The following CNIH3 variants were observed in gnomAD, a reference collection of about 807,000 sequenced individuals.
CNIH3 encodes the protein protein cornichon homolog 3.
In CNIH3, 14 loss-of-function variants were observed where a neutral mutation model predicts 24.1. The observed-to-expected ratio is 0.58, with a 90% CI of 0.38 to 0.91. CNIH3 has a LOEUF of 0.91. CNIH3 is among the 40% of genes least tolerant of loss of function. The pLI is 0.00. For missense variants in CNIH3, 178 were observed against 196.8 expected, an observed-to-expected ratio of 0.90 and a Z score of 0.57; for synonymous variants, 68 against 73.8, an observed-to-expected ratio of 0.92 and a Z score of 0.40.
In CNIH3 at chr1:224,477,197, C is replaced by A. The variant is rs533909377; in HGVS notation, n.204-38544C>A. 2.6e-5 allele frequency among the ~76,000 whole-genome samples: 4 copies of A among 152,320 alleles called. No homozygotes were observed. The East Asian group carries it at 7.7e-4, about 29-fold the overall frequency. On this transcript the variant is annotated intron_variant and non_coding_transcript_variant, in intron 1 of 5. Coordinates refer to the CNIH3 transcript ENST00000471578. ...GCCTGCAGGGGTGATGAAGTTCCTTCAAAGGGTGTGTGGATTCTTTCGGCT... is the reference window on the plus strand; with the variant it reads ...GCCTGCAGGGGTGATGAAGTTCCTTAAAAGGGTGTGTGGATTCTTTCGGCT...
At chr1:224,463,139 AC>A (rs1675998190) in intron 1 of CNIH3, among the ~76,000 whole-genome samples, 1 of 151,470 alleles carries the variant, frequency 6.6e-6, no homozygotes, top group African/African-American at 2.4e-5. Context: ...CTCGTGATCC[AC>A]CCGCCTCGGC....
At chr1:224,627,894 C>T (rs1458446408) in intron 1 of CNIH3, among the ~76,000 whole-genome samples, 1 of 152,124 alleles carries the variant, frequency 6.6e-6, no homozygotes, top group East Asian at 1.9e-4. Context: ...TTCATCACCA[C>T]CTGAGTCTCA....
At chr1:224,667,131 ACT>A (rs1685634239) in intron 1 of CNIH3, among the ~76,000 whole-genome samples, 1 of 152,150 alleles carries the variant, frequency 6.6e-6, no homozygotes, top group Admixed American at 6.5e-5. Flanking sequence ...GAATGAAATA[ACT>A]CTGACTCGTG....
At chr1:224,464,564 A>G (rs898813229) in intron 1 of CNIH3, among the ~76,000 whole-genome samples, 1 of 152,200 alleles carries the variant, frequency 6.6e-6, no homozygotes, top group African/African-American at 2.4e-5. Flanking sequence ...TTCCAGAACT[A>G]TTTCTTGAAA....
chr1:224,438,927 T>C (rs1674778594), intron 1 of CNIH3, among the ~76,000 whole-genome samples: 2 of 152,362 alleles, frequency 1.3e-5, no homozygotes, highest in South Asian at 4.1e-4. Flanking sequence ...TTTAAATCCC[T>C]CTTCATTTAG....
chr1:224,449,378 A>G (rs1205861892), intron 1 of CNIH3, among the ~76,000 whole-genome samples: 2 of 152,008 alleles, frequency 1.3e-5, no homozygotes, highest in Non-Finnish European at 2.9e-5. Context: ...CCTCTCTTCC[A>G]TCTCCATTGC....
chr1:224,731,405 C>A (rs1264594092), intron 4 of CNIH3, among the ~76,000 whole-genome samples: 1 of 152,120 alleles, frequency 6.6e-6, no homozygotes, highest in Non-Finnish European at 1.5e-5. Flanking sequence ...AATAGAGTCA[C>A]CATATGGACA....
At chr1:224,630,428 T>G (rs914994531) in intron 1 of CNIH3, among the ~76,000 whole-genome samples, 5 of 152,102 alleles carry the variant, frequency 3.3e-5, no homozygotes, top group African/African-American at 1.2e-4. Flanking sequence ...TTTAATGTTT[T>G]TCAGCTGCCT....
In CNIH3 at chr1:224,617,266, C is replaced by T; in HGVS notation, c.81+11C>T. On this transcript the variant is annotated intron_variant, in intron 1 of 5. Transcript: ENST00000272133. ...TTCGCCATCTGGCACGTGAGTAACA[C>T]GCTTTGGTCTCTCTTCTTTCGCCCC... The T allele has an allele frequency of 6.2e-7, 1 of 1,612,634 alleles. No individual in the cohort carries two copies. Among genetic ancestry groups the T allele is most frequent in the Non-Finnish European group, 8.5e-7 (1 of 1,179,432 alleles).
intron 3 of CNIH3, among the ~76,000 whole-genome samples, chr1:224,564,014 G>A (rs1487216037): frequency 6.6e-6 from 1 of 152,130 alleles, no homozygotes; most frequent in African/African-American, 2.4e-5. Context: ...GTGAGATCCT[G>A]GAAAGGAATA....
chr1:224,618,148 G>T (rs766703790), intron 1 of CNIH3, among the ~76,000 whole-genome samples: 6 of 152,220 alleles, frequency 3.9e-5, no homozygotes, highest in Non-Finnish European at 8.8e-5. Flanking sequence ...GAGTGCGTAC[G>T]CCGGTCCTCT....
chr1:224,450,864 A>G (rs542310744), intron 1 of CNIH3, among the ~76,000 whole-genome samples: 6 of 152,312 alleles, frequency 3.9e-5, no homozygotes, highest in African/African-American at 1.4e-4. Context: ...GTGGGTTTCC[A>G]TTATTCTTTG....
chr1:224,702,483 C>A (rs1027747626), intron 3 of CNIH3, among the ~76,000 whole-genome samples: 13 of 152,254 alleles, frequency 8.5e-5, no homozygotes, highest in Admixed American at 5.9e-4. Context: ...TGTTTCCCCA[C>A]ACCAGCGTCA....
intron 1 of CNIH3, among the ~76,000 whole-genome samples, chr1:224,680,407 C>G (rs1686342914): frequency 1.3e-5 from 2 of 152,208 alleles, no homozygotes; most frequent in Non-Finnish European, 2.9e-5. Context: ...GGACTGAAGT[C>G]CAAAGGACTG....
chr1:224,653,417 C>T (rs991877241), intron 1 of CNIH3, among the ~76,000 whole-genome samples: 11 of 131,886 alleles, frequency 8.3e-5, no homozygotes, highest in African/African-American at 3.5e-4. Flanking sequence ...AGTGAAACTC[C>T]ACCTCAAAAA....
rs35998596 is a variant in CNIH3, at chr1:224,437,915, A to ATT, written n.203+3066_203+3067dup. Among the ~76,000 whole-genome samples the ATT allele has an allele frequency of 2.0e-3, 293 of 143,810 alleles. 2 individuals carry two copies. Among genetic ancestry groups the ATT allele is most frequent in the Middle Eastern group, 7.1e-3 (2 of 282 alleles). 94.3% of individuals were successfully genotyped at this position (143,810 alleles called of 152,430 possible). A position where few individuals can be genotyped will look rare whatever the true frequency, so the allele number is the denominator to read the frequency against. On this transcript the variant is annotated intron_variant and non_coding_transcript_variant, in intron 1 of 5. Transcript: ENST00000471578. ...ATCACTAGTACTGCCCACGGCAACT[A>ATT]TTTTTTTTTTTTTTGGAGACAGAGT...
chr1:224,533,987 A>G (rs1462521600), intron 2 of CNIH3, among the ~76,000 whole-genome samples: 2 of 152,184 alleles, frequency 1.3e-5, no homozygotes, highest in African/African-American at 4.8e-5. Context: ...CAACATGGTG[A>G]AACCCCGTCT....
chr1:224,460,409 C>T (rs896545331), intron 1 of CNIH3, among the ~76,000 whole-genome samples: 1 of 152,222 alleles, frequency 6.6e-6, no homozygotes, highest in Non-Finnish European at 1.5e-5. Flanking sequence ...TCTCTGGCAG[C>T]CACTGAACTG....
intron 5 of CNIH3, among the ~76,000 whole-genome samples, chr1:224,736,201 C>A (rs371568024): frequency 4.3e-4 from 66 of 152,262 alleles, no homozygotes; most frequent in African/African-American, 1.6e-3. Context: ...TCATAGCTTG[C>A]TGCAACCTTG....
Sources: gnomAD v4.1 joint callset for allele counts (sites outside exome capture counted in the v4.1 genomes callset) on GRCh38, gnomAD v4.1.1 for gene constraint, MANE v1.5 for transcripts, NCBI Gene and HGNC (gene_info 2026-07-23, HGNC 2026-07-21) for gene names.